The following FHOD3 variants were observed in gnomAD, a reference collection of about 807,000 sequenced individuals.
The protein encoded by FHOD3 is formin homology 2 domain containing 3, also known as FH1/FH2 domain-containing protein 3.
Under a neutral mutation model 173.0 loss-of-function variants are expected in FHOD3, and 90 were observed. That is an observed-to-expected ratio of 0.52 (90% CI 0.44 to 0.62). FHOD3 has a LOEUF of 0.62. Ranked by LOEUF, FHOD3 falls within the 20% of genes least tolerant of loss-of-function variation. FHOD3 has a pLI of 0.00. For missense variants in FHOD3, 1,945 were observed against 2,034.7 expected, an observed-to-expected ratio of 0.96 and a Z score of 0.85; for synonymous variants, 828 against 823.0, an observed-to-expected ratio of 1.01 and a Z score of -0.10.
intron 3 of FHOD3, among the ~76,000 whole-genome samples, chr18:36,431,050 A>G (rs567802190): frequency 6.6e-6 from 1 of 152,240 alleles, no homozygotes; most frequent in Non-Finnish European, 1.5e-5. Flanking sequence ...TATGTTATAT[A>G]TCACAAAGTT....
intron 3 of FHOD3, among the ~76,000 whole-genome samples, chr18:36,401,909 TC>T (rs2048828434): frequency 6.6e-6 from 1 of 152,216 alleles, no homozygotes; most frequent in Non-Finnish European, 1.5e-5. Flanking sequence ...GTTGCTCACA[TC>T]CTCTGTGTTT....
At chr18:36,437,557 A>G (rs968181744) in intron 3 of FHOD3, among the ~76,000 whole-genome samples, 19 of 151,448 alleles carry the variant, frequency 1.3e-4, no homozygotes, top group Non-Finnish European at 2.9e-5. Context: ...TTTACTGGCA[A>G]TTTATTTTTA....
chr18:36,301,325 A>C lies in FHOD3; in HGVS notation c.165+3325A>C, dbSNP rs149687860. Among the ~76,000 whole-genome samples, 509 of 152,338 alleles carry C rather than the reference A, an allele frequency of 3.3e-3. 4 individuals carry two copies. The highest frequency in any genetic ancestry group is 0.012 in the African/African-American group (493 of 41,574). ...AGTTCACGTCTGCTGACTCCATTAGAAGTTGAAGTTGTTCATTTAATAAAA... is the reference window on the plus strand; with the variant it reads ...AGTTCACGTCTGCTGACTCCATTAGCAGTTGAAGTTGTTCATTTAATAAAA... On this transcript the variant is annotated intron_variant, in intron 1 of 28. Transcript: ENST00000590592.
intron 1 of FHOD3, among the ~76,000 whole-genome samples, chr18:36,315,410 GTC>G (rs1195534284): frequency 6.6e-6 from 1 of 152,100 alleles, no homozygotes; most frequent in Non-Finnish European, 1.5e-5. Flanking sequence ...TGTGACCAAA[GTC>G]TTTCCCCTCT....
intron 3 of FHOD3, among the ~76,000 whole-genome samples, chr18:36,484,460 A>G (rs1311111040): frequency 6.6e-6 from 1 of 152,162 alleles, no homozygotes; most frequent in Non-Finnish European, 1.5e-5. Context: ...ACTTAGGCTG[A>G]CTTTGCTTAA....
At chr18:36,774,550 A>G (rs2043540911) in intron 28 of FHOD3, among the ~76,000 whole-genome samples, 1 of 152,202 alleles carries the variant, frequency 6.6e-6, no homozygotes, top group African/African-American at 2.4e-5. Flanking sequence ...CCTCTCCCCA[A>G]GACTCTTGCT....
In FHOD3 at chr18:36,459,021, G is replaced by A. The variant is rs148088207; in HGVS notation, c.338-42911G>A. Among the ~76,000 whole-genome samples, 866 of 152,302 alleles carry A rather than the reference G, an allele frequency of 5.7e-3. 5 individuals are homozygous for A. The highest frequency in any genetic ancestry group is 0.019 in the African/African-American group (788 of 41,548). On this transcript the variant is annotated intron_variant, in intron 3 of 28. Coordinates refer to ENST00000590592, the MANE Select transcript of FHOD3 (RefSeq NM_001281740.3). Reference sequence around the variant, plus strand: ...CAGTGTTCCTAATCAGCAGCCTGGAGTTTAGTGAAAGTCTCCTCACTGTTT... The same window carrying A: ...CAGTGTTCCTAATCAGCAGCCTGGAATTTAGTGAAAGTCTCCTCACTGTTT...
At chr18:36,408,059 C>T (rs1323081977) in intron 3 of FHOD3, among the ~76,000 whole-genome samples, 1 of 152,186 alleles carries the variant, frequency 6.6e-6, no homozygotes, top group Non-Finnish European at 1.5e-5. Flanking sequence ...GCGGAGACCC[C>T]TGTGCCCCTG....
intron 14 of FHOD3, among the ~76,000 whole-genome samples, chr18:36,662,011 A>C (rs1252363561): frequency 1.3e-5 from 2 of 152,266 alleles, no homozygotes; most frequent in African/African-American, 4.8e-5. Flanking sequence ...CTTTTTGAGC[A>C]GATAATTTCT....
chr18:36,376,863 C>T (rs1178940884), intron 3 of FHOD3, among the ~76,000 whole-genome samples: 4 of 152,220 alleles, frequency 2.6e-5, no homozygotes, highest in African/African-American at 7.2e-5. Context: ...CAAGAAGAAC[C>T]TCCTAGTGCA....
rs189682156 is a variant in FHOD3 at position 36,426,708 on chromosome 18, C to T, written c.337+53964C>T. On this transcript the variant is annotated intron_variant, in intron 3 of 28. Coordinates refer to ENST00000590592, the MANE Select transcript of FHOD3 (RefSeq NM_001281740.3). ...ACCTTGTTGTAAGCACTGGGCTAGT[C>T]GCTTCTCATACACTGTATTAGTAAC... Among the ~76,000 whole-genome samples, 22 of 152,330 alleles carry T rather than the reference C, an allele frequency of 1.4e-4. 1 individual carries two copies. Among genetic ancestry groups the T allele is most frequent in the African/African-American group, 5.1e-4 (21 of 41,568 alleles).
intron 3 of FHOD3, among the ~76,000 whole-genome samples, chr18:36,482,854 C>CAGAGAA (rs1405818047): frequency 7.1e-5 from 7 of 97,968 alleles, no homozygotes; most frequent in African/African-American, 2.9e-4. Flanking sequence ...CACTCACACA[C>CAGAGAA]ACACAGAGAG....
chr18:36,409,885 G>A (rs1341650126), intron 3 of FHOD3, among the ~76,000 whole-genome samples: 1 of 152,160 alleles, frequency 6.6e-6, no homozygotes, highest in African/African-American at 2.4e-5. Flanking sequence ...GACCTAATAT[G>A]TTGCTGTTGG....
chr18:36,524,900 G>C (rs1325260544), intron 5 of FHOD3, among the ~76,000 whole-genome samples: 1 of 152,152 alleles, frequency 6.6e-6, no homozygotes, highest in African/African-American at 2.4e-5. Flanking sequence ...TGGGGTCTGA[G>C]TAAAGGGTAG....
rs1267150343 is a variant in FHOD3, at chr18:36,718,132, A to G, written c.2834A>G (p.Asn945Ser). 6.2e-7 allele frequency: 1 copy of G among 1,604,280 alleles called. No homozygotes were observed. Among genetic ancestry groups the G allele is most frequent in the Non-Finnish European group, 8.5e-7 (1 of 1,174,902 alleles). Residue 945 changes from asparagine (N) to serine (S), a missense_variant, in exon 19 of 29, where the codon AAC (asparagine) becomes AGC (serine). Asn to Ser is a conservative substitution (Grantham distance 46). This residue lies in a region of FHOD3 where 1,099 missense variants were observed against 1,051.2 expected (regional missense o/e 1.05). Coordinates refer to ENST00000590592, the MANE Select transcript of FHOD3 (RefSeq NM_001281740.3). ...GTGAAAGCATTTGCTGAGAAATTCA[A>G]CAGTGGGGACCTGGGGAGAGGTTCC... ...GSVKAFAEKF[N>S]SGDLGRGSIS...
At chr18:36,451,456 C>T (rs534762702) in intron 3 of FHOD3, among the ~76,000 whole-genome samples, 1 of 152,344 alleles carries the variant, frequency 6.6e-6, no homozygotes, top group Admixed American at 6.5e-5. Context: ...CATAAATCCC[C>T]CTTTCTCTCT....
At chr18:36,561,001 G>A (rs866124680) in intron 5 of FHOD3, among the ~76,000 whole-genome samples, 4 of 151,418 alleles carry the variant, frequency 2.6e-5, no homozygotes, top group Non-Finnish European at 5.9e-5. Context: ...TTTAAATTCC[G>A]CAGACATTCT....
chr18:36,391,945 C>T, intron 3 of FHOD3, among the ~76,000 whole-genome samples: 1 of 152,178 alleles, frequency 6.6e-6, no homozygotes, highest in East Asian at 1.9e-4. Flanking sequence ...CTTTGTCCCC[C>T]ACAGCTGAGA....
intron 9 of FHOD3, among the ~76,000 whole-genome samples, chr18:36,621,709 A>G (rs1243347216): frequency 6.6e-6 from 1 of 152,250 alleles, no homozygotes; most frequent in Non-Finnish European, 1.5e-5. Flanking sequence ...GGTGATGAGC[A>G]CATCACAGTC....
Sources: gnomAD v4.1 joint callset for allele counts (sites outside exome capture counted in the v4.1 genomes callset) on GRCh38, gnomAD v4.1.1 for gene constraint, gnomAD v4.1.1 regional missense constraint, MANE v1.5 for transcripts, NCBI Gene and HGNC (gene_info 2026-07-23, HGNC 2026-07-21) for gene names.